Variants in COMP observed in about 807,000 individuals in gnomAD.
The protein encoded by COMP is cartilage oligomeric matrix protein.
Under a neutral mutation model 95.8 loss-of-function variants are expected in COMP, and 79 were observed. The ratio of observed to expected loss-of-function variants is 0.82; its 90% CI spans 0.69 to 0.99. COMP has a LOEUF of 0.99. Among genes scored for constraint, COMP ranks in the 50% least tolerant of loss-of-function variants. COMP has a pLI of 0.00. For missense variants in COMP, 906 were observed against 1,076.1 expected (o/e 0.84, Z 2.21); for synonymous variants, 438 against 433.9 (o/e 1.01, Z -0.12).
At position 18,788,765 on chromosome 19, in the gene COMP, C is replaced by A; in HGVS notation, c.604-15G>T. 6.3e-7 allele frequency: 1 copy of A among 1,593,718 alleles called. No homozygotes were observed. The highest frequency in any genetic ancestry group is 8.5e-7 in the Non-Finnish European group (1 of 1,170,062). ...TGGAAGGAGCCCTGCGCCGGAGCCG[C>A]CGGAGGTCAGCGCAGGCCGCCCGCC... On this transcript the variant is annotated splice_polypyrimidine_tract_variant and intron_variant, in intron 6 of 18. Coordinates refer to ENST00000222271, the MANE Select transcript of COMP (RefSeq NM_000095.3). This position sits in a 1 kb window ranked among gnomAD's most constrained non-coding sequence, Gnocchi z 4.7.
chr19:18,787,193 T>G (rs2055173620), intron 10 of COMP, among the ~76,000 whole-genome samples: 2 of 152,312 alleles, frequency 1.3e-5, no homozygotes, highest in African/African-American at 4.8e-5. Context: ...TATGTCCCCA[T>G]CTGTAAAGTT....
At position 18,789,838 on chromosome 19, in the gene COMP, T is replaced by C; in HGVS notation, c.390+104A>G. Reference sequence around the variant, plus strand: ...TGCGCCCCCGGAGGTGAGAGGCTCTTCGGGGCGAACACTCCCAGTGGAGGA... The same window carrying C: ...TGCGCCCCCGGAGGTGAGAGGCTCTCCGGGGCGAACACTCCCAGTGGAGGA... On this transcript the variant is annotated intron_variant, in intron 4 of 18. Coordinates refer to ENST00000222271, the MANE Select transcript of COMP (RefSeq NM_000095.3). This position sits in a 1 kb window ranked among gnomAD's most constrained non-coding sequence, Gnocchi z 6.1. 2 of 1,396,436 alleles carry C rather than the reference T, an allele frequency of 1.4e-6. No homozygotes were observed. Among genetic ancestry groups the C allele is most frequent in the Non-Finnish European group, 2.0e-6 (2 of 1,017,052 alleles). 86.5% of individuals were successfully genotyped at this position (1,396,436 alleles called of 1,614,324 possible).
chr19:18,785,233 G>T, intron 15 of COMP, 141 bp from the exon 16 acceptor site: 1 of 952,106 alleles, frequency 1.1e-6, no homozygotes, highest in Non-Finnish European at 1.6e-6. Context: ...CCCGGACTCA[G>T]CCACGCCCCC....
chr19:18,786,376 C>T, intron 11 of COMP, 85 bp from the exon 12 acceptor site: 2 of 1,595,454 alleles, frequency 1.3e-6, no homozygotes, highest in Non-Finnish European at 1.7e-6. Context: ...CAGCCAAGGT[C>T]CTCCTGACCC....
At chr19:18,790,256 T>A in intron 3 of COMP, 142 bp from the exon 4 acceptor site, 2 of 560,718 alleles carry the variant, frequency 3.6e-6, no homozygotes, top group Non-Finnish European at 5.8e-6. Flanking sequence ...TCCTGCGCTG[T>A]CCGCGATCCC....
Position 18,785,021 on chromosome 19 carries a change from C to T in COMP, c.1789G>A (p.Ala597Thr). 1 of 1,614,120 alleles carries T rather than the reference C, an allele frequency of 6.2e-7. No homozygotes were observed. Among genetic ancestry groups the T allele is most frequent in the Non-Finnish European group, 8.5e-7 (1 of 1,180,008 alleles). The stretch of plus-strand genomic sequence containing the variant: ...TCCTGGTAGCCAAAGATGAAGCCCG[C>T]ATAGTCGTCATCCGTGACCGTGTTC... ...HVNTVTDDDY[A>T]GFIFGYQDSS... The change falls in exon 16 of 19, where the codon GCG becomes ACG. Residue 597 changes from alanine (A) to threonine (T), a missense_variant. Transcript: ENST00000222271.
rs1228851885 is a variant in COMP, at chr19:18,791,287, G to A, written c.-18C>T. On this transcript the variant is annotated 5_prime_UTR_variant, in exon 1 of 19. Transcript: ENST00000222271. ...GGGACCATGGCGGTGGCGGGGAGCT[G>A]GGTGGCTGCTCGCTTTCTACCGCCC... 1.3e-6 allele frequency: 2 copies of A among 1,581,626 alleles called. No homozygotes were observed. Among genetic ancestry groups the A allele is most frequent in the Admixed American group, 3.7e-5 (2 of 54,576 alleles).
In COMP at chr19:18,789,202, G is replaced by C. The variant is rs756891671; in HGVS notation, c.486C>G (p.Thr162=). ...EACPPGYSGP[T]HQGVGLAFAK... Reference sequence around the variant, plus strand: ...CGAAAGCCAGCCCCACGCCCTGGTGGGTGGGGCCGCTGTACCCCGGCGGGC... The same window carrying C: ...CGAAAGCCAGCCCCACGCCCTGGTGCGTGGGGCCGCTGTACCCCGGCGGGC... Residue 162 remains threonine (T), a synonymous_variant, in exon 5 of 19, where the codon ACC becomes ACG. Coordinates refer to ENST00000222271, the MANE Select transcript of COMP (RefSeq NM_000095.3). The surrounding 1 kb of genome is among the most constrained non-coding windows in gnomAD (Gnocchi z 6.1). The C allele has an allele frequency of 6.4e-7, 1 of 1,557,736 alleles. No homozygotes were observed. The highest frequency in any genetic ancestry group is 8.6e-7 in the Non-Finnish European group (1 of 1,159,140).
At chr19:18,787,006 C>G (rs2055172602) in intron 10 of COMP, 1 of 337,030 alleles carries the variant, frequency 3.0e-6, no homozygotes, top group Non-Finnish European at 5.6e-6. Context: ...CTCCTGACCT[C>G]GTGATCCACC....
rs1490729786 is a variant in COMP, at chr19:18,785,719, G to A, written c.1622C>T (p.Pro541Leu). The A allele has an allele frequency of 6.2e-7, 1 of 1,613,290 alleles. No individual in the cohort carries two copies. The highest frequency in any genetic ancestry group is 1.3e-5 in the African/African-American group (1 of 74,910). The change falls in exon 14 of 19, where the codon CCG becomes CTG. Residue 541 changes from proline to leucine, a missense_variant. Physicochemically the swap from Pro to Leu is moderately conservative, Grantham distance 98 (BLOSUM62 -3). Transcript: ENST00000222271. ...FRAFQTVVLD[P>L]EGDAQIDPNW... is the part of the protein sequence containing the mutation. ...GGGGTCAATCTGCGCGTCACCCTCC[G>A]GGTCCAGCACGACTGTCTGGAAGGC...
chr19:18,785,733 T>G lies in COMP; in HGVS notation c.1608A>C (p.Thr536=), dbSNP rs1339921069. ...CGTCACCCTCCGGGTCCAGCACGAC[T>G]GTCTGGAAGGCCCTGAAGTCGGTGA... ...VTLTDFRAFQ[T]VVLDPEGDAQ... The change falls in exon 14 of 19, where the codon ACA becomes ACC. Residue 536 remains threonine, a synonymous_variant. Coordinates refer to ENST00000222271, the MANE Select transcript of COMP (RefSeq NM_000095.3). The G allele has an allele frequency of 1.2e-6, 2 of 1,613,564 alleles. No homozygotes were observed. Among genetic ancestry groups the G allele is most frequent in the South Asian group, 2.2e-5 (2 of 91,088 alleles).
At chr19:18,786,325 G>C in intron 11 of COMP, 34 bp from the exon 12 acceptor site, 9 of 1,613,286 alleles carry the variant, frequency 5.6e-6, no homozygotes, top group Non-Finnish European at 7.6e-6. Flanking sequence ...TCCATAATCA[G>C]ACAGAGGAAA....
chr19:18,786,763 CTTTTTTTTTTTTTTTTTT>C (rs10577504), intron 10 of COMP, 113 bp from the exon 11 acceptor site: 15 of 283,854 alleles, frequency 5.3e-5, no homozygotes, highest in Non-Finnish European at 6.7e-5. Flanking sequence ...TTCATGGAAG[CTTTTTTTTTTTTTTTTTT>C]TTTTTTTTTT....
In COMP at chr19:18,783,177, C is replaced by T; in HGVS notation, c.2104G>A (p.Gly702Ser). 2 of 1,608,680 alleles carry T rather than the reference C, an allele frequency of 1.2e-6. No individual in the cohort carries two copies. Among genetic ancestry groups the T allele is most frequent in the Non-Finnish European group, 1.7e-6 (2 of 1,179,994 alleles). Residue 702 changes from glycine to serine, a missense_variant, in exon 18 of 19, where the codon GGC (glycine) becomes AGC (serine). By Grantham distance (56) the Gly-to-Ser change is moderately conservative. Transcript: ENST00000222271. ...VGYIRVRFYE[G>S]PELVADSNVV... ...TTGCTGTCGGCCACCAGCTCAGGGC[C>T]CTCATAGAATCGCACCCTGAGGGTC...
chr19:18,785,105 A>G lies in COMP; in HGVS notation c.1718-13T>C, dbSNP rs1421534883. The G allele has an allele frequency of 1.2e-6, 2 of 1,613,554 alleles. No homozygotes were observed. The highest frequency in any genetic ancestry group is 8.5e-7 in the Non-Finnish European group (1 of 1,179,768). On this transcript the variant is annotated splice_polypyrimidine_tract_variant and intron_variant, in intron 15 of 18. Coordinates refer to ENST00000222271, the MANE Select transcript of COMP (RefSeq NM_000095.3). ...AAGGCAGTGTAACCTAGGGATGGAA[A>G]GAGAGCAGTGGCCTTTCCGAACGCC...
Position 18,782,801 on chromosome 19 carries a change from C to G in COMP, c.*114G>C, listed in dbSNP as rs1378654764. Reference sequence around the variant, plus strand: ...CTGCACACACACTTTATTTTGTCCTCTCTGAGCCCTTCTCACTTCCCCCTC... The same window carrying G: ...CTGCACACACACTTTATTTTGTCCTGTCTGAGCCCTTCTCACTTCCCCCTC... On this transcript the variant is annotated 3_prime_UTR_variant, in exon 19 of 19. Coordinates refer to ENST00000222271, the MANE Select transcript of COMP (RefSeq NM_000095.3). 1.7e-6 allele frequency: 2 copies of G among 1,211,008 alleles called. No individual in the cohort carries two copies. Among genetic ancestry groups the G allele is most frequent in the Non-Finnish European group, 2.4e-6 (2 of 838,540 alleles). The allele number at this position is 1,211,008 out of a possible 1,614,324, so 75.0% of individuals were successfully genotyped here. A position where few individuals can be genotyped will look rare whatever the true frequency, so the allele number is the denominator to read the frequency against.
At chr19:18,785,919 GC>G (rs1425147789) in intron 13 of COMP, 45 bp downstream of exon 13, 2 of 1,585,114 alleles carry the variant, frequency 1.3e-6, no homozygotes. Context: ...CGCGCCAGGA[GC>G]CCCCACTGGC....
chr19:18,790,739 C>T (rs2055206888), intron 2 of COMP, 111 bp downstream of exon 2: 1 of 1,607,112 alleles, frequency 6.2e-7, no homozygotes. Flanking sequence ...CGCCGACCCC[C>T]TTCCCTCCCC....
chr19:18,786,822 G>GAGTGC (rs1568555284), intron 10 of COMP, 172 bp from the exon 11 acceptor site: 2 of 534,974 alleles, frequency 3.7e-6, no homozygotes, highest in Non-Finnish European at 6.5e-6. Flanking sequence ...ACTCAGGCTG[G>GAGTGC]AGTGCAGTGG....
Sources: allele counts gnomAD v4.1 joint callset (sites outside exome capture counted in the v4.1 genomes callset), GRCh38; gene constraint gnomAD v4.1.1; non-coding constraint Gnocchi (gnomAD v3.1); transcripts MANE v1.5; gene names NCBI Gene and HGNC (gene_info 2026-07-23, HGNC 2026-07-21).